The following ATXN7L1 variants were observed in gnomAD, a reference collection of about 807,000 sequenced individuals.
ATXN7L1 encodes the protein ataxin 7 like 1.
In ATXN7L1, 15 loss-of-function variants were observed where a neutral mutation model predicts 70.8. The ratio of observed to expected loss-of-function variants is 0.21; its 90% CI spans 0.14 to 0.33. ATXN7L1 has a LOEUF of 0.33. Among genes scored for constraint, ATXN7L1 ranks in the 10% least tolerant of loss-of-function variants. The probability of loss-of-function intolerance (pLI) is 1.00; values close to 1 mark genes in which losing one functional copy is unlikely to be tolerated. For synonymous variants in ATXN7L1, 440 were observed against 445.1 expected, an observed-to-expected ratio of 0.99 and a Z score of 0.14; for missense variants, 975 against 1,097.1, an observed-to-expected ratio of 0.89 and a Z score of 1.57.
intron 2 of ATXN7L1, among the ~76,000 whole-genome samples, chr7:105,858,519 G>A (rs965683254): frequency 6.6e-6 from 1 of 152,190 alleles, no homozygotes; most frequent in Non-Finnish European, 1.5e-5. Flanking sequence ...TTCCTTTTGG[G>A]GGACAGGATA....
chr7:105,823,106 T>A (rs576261871), intron 2 of ATXN7L1, among the ~76,000 whole-genome samples: 10 of 152,120 alleles, frequency 6.6e-5, no homozygotes, highest in African/African-American at 2.2e-4. Context: ...TTTTTTTTTT[T>A]TATATTATTA....
At chr7:105,736,344 A>G (rs1167251106) in intron 3 of ATXN7L1, among the ~76,000 whole-genome samples, 2 of 152,248 alleles carry the variant, frequency 1.3e-5, no homozygotes, top group Non-Finnish European at 2.9e-5. Context: ...ACGATAATGA[A>G]CAGGTCTGTC....
chr7:105,727,746 G>GTATATATATATATATATATA (rs1232202676), intron 3 of ATXN7L1, among the ~76,000 whole-genome samples: 14 of 55,332 alleles, frequency 2.5e-4, no homozygotes, highest in African/African-American at 8.8e-4. Context: ...GTGTATGTGT[G>GTATATATATATATATATATA]TATATATATA....
chr7:105,734,195 A>G (rs35822107), intron 3 of ATXN7L1, among the ~76,000 whole-genome samples: 2 of 152,210 alleles, frequency 1.3e-5, no homozygotes, highest in African/African-American at 4.8e-5. Flanking sequence ...CCCACCTTAC[A>G]GGGATGCTGG....
At chr7:105,647,898 A>T (rs933546610) in intron 4 of ATXN7L1, among the ~76,000 whole-genome samples, 23 of 152,136 alleles carry the variant, frequency 1.5e-4, no homozygotes, top group African/African-American at 4.8e-4. Context: ...CTAATTTGGA[A>T]TTTTTTCTGC....
chr7:105,794,698 A>G (rs528558014), intron 2 of ATXN7L1, among the ~76,000 whole-genome samples: 1 of 152,342 alleles, frequency 6.6e-6, no homozygotes, highest in East Asian at 1.9e-4. Flanking sequence ...CTTATGCCCA[A>G]CAGAGCCAGG....
chr7:105,641,367 G>A (rs1471104664), intron 5 of ATXN7L1, among the ~76,000 whole-genome samples: 2 of 151,570 alleles, frequency 1.3e-5, no homozygotes, highest in Admixed American at 6.6e-5. Flanking sequence ...CCTGTGCCTG[G>A]TCCCACACCA....
At chr7:105,742,295 T>G (rs985973912) in intron 3 of ATXN7L1, among the ~76,000 whole-genome samples, 2 of 152,226 alleles carry the variant, frequency 1.3e-5, no homozygotes, top group African/African-American at 4.8e-5. Context: ...CCAGCCTTTT[T>G]GTTGGTGTTC....
At chr7:105,664,588 T>TATATATA (rs1388359970) in intron 4 of ATXN7L1, among the ~76,000 whole-genome samples, 2 of 147,678 alleles carry the variant, frequency 1.4e-5, no homozygotes, top group Non-Finnish European at 3.0e-5. Context: ...TATATATATA[T>TATATATA]TTGAGACAGA....
chr7:105,698,082 G>A (rs996698007), intron 3 of ATXN7L1, among the ~76,000 whole-genome samples: 2 of 152,186 alleles, frequency 1.3e-5, no homozygotes, highest in African/African-American at 4.8e-5. Context: ...AAGCATGTTG[G>A]TAGCTGTGGG....
chr7:105,614,723 G>T lies in ATXN7L1; in HGVS notation c.1611C>A (p.Asn537Lys). The change falls in exon 10 of 12, where the codon AAC becomes AAA. Residue 537 changes from asparagine (N) to lysine (K), a missense_variant. This residue lies in a region of ATXN7L1 where 635 missense variants were observed against 699.4 expected (regional missense o/e 0.91). Coordinates refer to ENST00000419735, the MANE Select transcript of ATXN7L1 (RefSeq NM_020725.2). This position sits in a 1 kb window ranked among gnomAD's most constrained non-coding sequence, Gnocchi z 4.3. ...VPASVLQPFS[N>K]PSAVYLPSAP... is the part of the protein sequence containing the mutation. The stretch of plus-strand genomic sequence containing the variant: ...CTGAAGGAAGATACACAGCACTGGG[G>T]TTGCTGAAAGGCTGCAAAACGGATG... The T allele has an allele frequency of 6.4e-7, 1 of 1,551,746 alleles. No homozygotes were observed. Among genetic ancestry groups the T allele is most frequent in the Non-Finnish European group, 8.7e-7 (1 of 1,147,020 alleles).
intron 3 of ATXN7L1, among the ~76,000 whole-genome samples, chr7:105,721,971 C>A (rs1175707347): frequency 6.6e-6 from 1 of 152,246 alleles, no homozygotes; most frequent in Non-Finnish European, 1.5e-5. Context: ...GGGACTAGTG[C>A]TCTCTTTTTA....
At chr7:105,852,286 T>C (rs1338029639) in intron 2 of ATXN7L1, among the ~76,000 whole-genome samples, 2 of 152,140 alleles carry the variant, frequency 1.3e-5, no homozygotes, top group Non-Finnish European at 2.9e-5. Context: ...TGCACAAGGT[T>C]GCCCTGTTTT....
In ATXN7L1 at chr7:105,820,103, C is replaced by T. The variant is rs1355319835; in HGVS notation, c.251-31395G>A. The T allele has an allele frequency of 1.1e-5, 3 of 273,678 alleles. 1 individual carries two copies. The highest frequency in any genetic ancestry group is 9.7e-5 in the South Asian group (3 of 30,824). 17.0% of individuals were successfully genotyped at this position (273,678 alleles called of 1,614,324 possible). A position where few individuals can be genotyped will look rare whatever the true frequency, so the allele number is the denominator to read the frequency against. ...AAGACCCATGGACTCCTGATCTGAG[C>T]CCAGTAAAGACTGTTTATTCCTCAA... is the stretch of plus-strand genomic sequence containing the variant. On this transcript the variant is annotated intron_variant, in intron 2 of 11. Coordinates refer to ENST00000419735, the MANE Select transcript of ATXN7L1 (RefSeq NM_020725.2).
chr7:105,629,799 T>TGAGCCACTGCACC (rs1360213816), intron 7 of ATXN7L1, among the ~76,000 whole-genome samples: 1 of 151,296 alleles, frequency 6.6e-6, no homozygotes. Context: ...ATTACAGGTG[T>TGAGCCACTGCACC]AGGCCTCCGT....
intron 3 of ATXN7L1, among the ~76,000 whole-genome samples, chr7:105,709,918 A>G (rs1793673227): frequency 6.6e-6 from 1 of 151,576 alleles, no homozygotes; most frequent in African/African-American, 2.4e-5. Context: ...TGTTGCACAG[A>G]CTGGAGTGCA....
At chr7:105,862,570 A>C (rs908187706) in intron 2 of ATXN7L1, among the ~76,000 whole-genome samples, 2 of 152,174 alleles carry the variant, frequency 1.3e-5, no homozygotes, top group African/African-American at 4.8e-5. Flanking sequence ...AGAAGAATCA[A>C]ACCACCAGCT....
intron 3 of ATXN7L1, among the ~76,000 whole-genome samples, chr7:105,706,563 C>A (rs557089264): frequency 5.3e-5 from 8 of 151,556 alleles, no homozygotes; most frequent in East Asian, 3.9e-4. Flanking sequence ...CCACCACCAC[C>A]AAAAAAAACA....
At chr7:105,784,859 G>C (rs1453069912) in intron 3 of ATXN7L1, among the ~76,000 whole-genome samples, 2 of 152,176 alleles carry the variant, frequency 1.3e-5, no homozygotes, top group Non-Finnish European at 1.5e-5. Flanking sequence ...CATCAACAAA[G>C]TTCAAATAAT....
Sources: gnomAD v4.1 joint callset for allele counts (sites outside exome capture counted in the v4.1 genomes callset) on GRCh38, gnomAD v4.1.1 for gene constraint, gnomAD v4.1.1 regional missense constraint, Gnocchi (gnomAD v3.1) non-coding constraint, MANE v1.5 for transcripts, NCBI Gene and HGNC (gene_info 2026-07-23, HGNC 2026-07-21) for gene names.